The following FRAS1 variants were observed in gnomAD, a reference collection of about 807,000 sequenced individuals.
The protein encoded by FRAS1 is Fraser extracellular matrix complex subunit 1.
A neutral mutation model predicts 435.2 loss-of-function variants in FRAS1; 290 were observed. The observed-to-expected ratio is 0.67, with a 90% CI of 0.61 to 0.73. The LOEUF is 0.73. Among genes scored for constraint, FRAS1 ranks in the 30% least tolerant of loss-of-function variants. FRAS1 has a pLI of 0.00. For synonymous variants in FRAS1, 1,800 were observed against 1,851.0 expected (o/e 0.97, Z 0.71); for missense variants, 4,860 against 5,001.5 (o/e 0.97, Z 0.85).
At chr4:78,471,596 T>TA (rs894585460) in intron 51 of FRAS1, among the ~76,000 whole-genome samples, 2 of 152,138 alleles carry the variant, frequency 1.3e-5, no homozygotes, top group African/African-American at 4.8e-5. Context: ...TTACTAGACC[T>TA]AAAAAAATCT....
chr4:78,505,203 T>C (rs62310263), intron 61 of FRAS1, among the ~76,000 whole-genome samples: 71,816 of 151,842 alleles, frequency 0.47, 17,177 homozygotes, highest in South Asian at 0.57. Flanking sequence ...AATTATGTGT[T>C]TTGGGGTTGC....
chr4:78,242,892 C>T (rs71611009), intron 3 of FRAS1, among the ~76,000 whole-genome samples: 15,121 of 152,048 alleles, frequency 0.099, 808 homozygotes, highest in Admixed American at 0.11. Context: ...AATCACAGGT[C>T]GTGGATTCTA....
intron 67 of FRAS1, among the ~76,000 whole-genome samples, chr4:78,520,475 A>G (rs768871332): frequency 6.6e-6 from 1 of 152,124 alleles, no homozygotes; most frequent in Non-Finnish European, 1.5e-5. Flanking sequence ...GTCATCATTC[A>G]TATCTATTAG....
At chr4:78,463,335 G>T (rs1719427810) in intron 47 of FRAS1, among the ~76,000 whole-genome samples, 1 of 152,060 alleles carries the variant, frequency 6.6e-6, no homozygotes, top group Non-Finnish European at 1.5e-5. Context: ...GAGAAAAAAT[G>T]ATTTTTTCTC....
chr4:78,181,449 C>T (rs527716325), intron 2 of FRAS1: 421 of 1,611,770 alleles, frequency 2.6e-4, no homozygotes, highest in Admixed American at 3.5e-4. Context: ...GAAGATCTAT[C>T]ACTTCCACTA....
intron 2 of FRAS1, among the ~76,000 whole-genome samples, chr4:78,148,206 C>T (rs1015623292): frequency 6.6e-6 from 1 of 151,868 alleles, no homozygotes; most frequent in African/African-American, 2.4e-5. Flanking sequence ...TACAAAGACT[C>T]GTAGAATCAT....
intron 2 of FRAS1, among the ~76,000 whole-genome samples, chr4:78,219,756 G>A (rs947103666): frequency 7.2e-5 from 11 of 152,082 alleles, no homozygotes; most frequent in African/African-American, 2.7e-4. Context: ...ATTTTGTTGG[G>A]CCTATTTTTG....
chr4:78,441,156 T>C lies in FRAS1; in HGVS notation c.5530-6T>C. 2 of 1,613,764 alleles carry C rather than the reference T, an allele frequency of 1.2e-6. No homozygotes were observed. Among genetic ancestry groups the C allele is most frequent in the Non-Finnish European group, 1.7e-6 (2 of 1,179,804 alleles). On this transcript the variant is annotated splice_polypyrimidine_tract_variant and splice_region_variant and intron_variant, in intron 40 of 73. Coordinates refer to ENST00000512123, the MANE Select transcript of FRAS1 (RefSeq NM_025074.7). ...CAAGGACTCTCTATGTTCTTTTCTTTCTTAGGTTGATGAGGGAGGGAGAGC... is the reference window on the plus strand; with the variant it reads ...CAAGGACTCTCTATGTTCTTTTCTTCCTTAGGTTGATGAGGGAGGGAGAGC...
chr4:78,194,779 G>A (rs905801911), intron 2 of FRAS1, among the ~76,000 whole-genome samples: 3 of 152,166 alleles, frequency 2.0e-5, no homozygotes, highest in Admixed American at 2.0e-4. Context: ...ACTTGTCAAA[G>A]TCACTCTCCA....
At chr4:78,222,117 A>T (rs1724083427) in intron 2 of FRAS1, among the ~76,000 whole-genome samples, 2 of 152,070 alleles carry the variant, frequency 1.3e-5, no homozygotes, top group Admixed American at 1.3e-4. Context: ...CTATGTATTA[A>T]TGGGCTCAAG....
At chr4:78,149,876 C>A (rs1001256718) in intron 2 of FRAS1, among the ~76,000 whole-genome samples, 1 of 152,116 alleles carries the variant, frequency 6.6e-6, no homozygotes, top group Non-Finnish European at 1.5e-5. Context: ...ACGATCTGCA[C>A]CTCCCTTCAA....
At chr4:78,403,423 T>G (rs1450514577) in intron 30 of FRAS1, among the ~76,000 whole-genome samples, 1 of 152,164 alleles carries the variant, frequency 6.6e-6, no homozygotes, top group Non-Finnish European at 1.5e-5. Flanking sequence ...TTAGTAATAA[T>G]CAAATCACGT....
At chr4:78,140,784 T>C (rs1345630368) in intron 2 of FRAS1, among the ~76,000 whole-genome samples, 2 of 151,928 alleles carry the variant, frequency 1.3e-5, no homozygotes, top group Non-Finnish European at 2.9e-5. Flanking sequence ...TGTGTATATA[T>C]ATCTCATGTA....
At chr4:78,447,059 G>A (rs1718859598) in intron 43 of FRAS1, among the ~76,000 whole-genome samples, 179 bp downstream of exon 43, 1 of 151,232 alleles carries the variant, frequency 6.6e-6, no homozygotes, top group Non-Finnish European at 1.5e-5. Flanking sequence ...GACATCAGTT[G>A]TTTAAGAAGC....
intron 4 of FRAS1, among the ~76,000 whole-genome samples, chr4:78,248,051 T>G (rs1255350060): frequency 6.6e-6 from 1 of 152,186 alleles, no homozygotes; most frequent in Non-Finnish European, 1.5e-5. Context: ...GAGGACCTCC[T>G]TTGCTTGCAG....
chr4:78,441,433 G>A, intron 41 of FRAS1, 136 bp downstream of exon 41: 1 of 867,450 alleles, frequency 1.2e-6, no homozygotes, highest in Non-Finnish European at 1.8e-6. Context: ...AAGGAAGGTA[G>A]GAAGGTTTCA....
rs755966080 is a variant in FRAS1, at chr4:78,422,028, A to C, written c.4678+28A>C. The C allele has an allele frequency of 5.1e-6, 8 of 1,566,574 alleles. No individual in the cohort carries two copies. The East Asian group carries it at 6.9e-5, about 14-fold the overall frequency. ...AATGCTCTCCTCTCTGCTTTGAGGC[A>C]CCCAACTGCTCTCTGTGGCTCTACA... On this transcript the variant is annotated intron_variant, in intron 34 of 73. Transcript: ENST00000512123.
intron 37 of FRAS1, 133 bp from the exon 38 acceptor site, chr4:78,432,224 T>G: frequency 1.4e-6 from 1 of 727,920 alleles, no homozygotes; most frequent in Non-Finnish European, 2.0e-6. Context: ...AGTAGGTGAG[T>G]GGTTGGATTA....
intron 65 of FRAS1, 118 bp from the exon 66 acceptor site, chr4:78,515,681 A>C: frequency 2.3e-6 from 2 of 851,452 alleles, no homozygotes; most frequent in Admixed American, 2.7e-5. Context: ...TTGCTTTGTT[A>C]GTAGGGTCTC....
Sources: gnomAD v4.1 joint callset for allele counts (sites outside exome capture counted in the v4.1 genomes callset) on GRCh38, gnomAD v4.1.1 for gene constraint, MANE v1.5 for transcripts, NCBI Gene and HGNC (gene_info 2026-07-23, HGNC 2026-07-21) for gene names.